RSBN1L: variants seen among roughly 807,000 people sequenced by gnomAD.
The protein encoded by RSBN1L is lysine-specific demethylase RSBN1L.
RSBN1L carries 30 observed loss-of-function variants against 67.7 expected under a neutral mutation model. The ratio of observed to expected loss-of-function variants is 0.44; its 90% CI spans 0.33 to 0.60. The LOEUF is 0.60. Ranked by LOEUF, RSBN1L falls within the 20% of genes least tolerant of loss-of-function variation. RSBN1L has a pLI of 0.02. For synonymous variants in RSBN1L, 433 were observed against 387.0 expected (o/e 1.12, Z -1.39); for missense variants, 992 against 1,031.7 (o/e 0.96, Z 0.53).
intron 1 of RSBN1L, among the ~76,000 whole-genome samples, chr7:77,701,582 A>G (rs945477388): frequency 1.1e-4 from 16 of 151,050 alleles, no homozygotes; most frequent in African/African-American, 3.7e-4. Context: ...GAATTTTATA[A>G]TTTATATATT....
rs1193114227 is a variant in RSBN1L at position 77,765,489 on chromosome 7, C to T, written c.1345-6C>T. On this transcript the variant is annotated splice_polypyrimidine_tract_variant and splice_region_variant and intron_variant, in intron 3 of 7. Coordinates refer to ENST00000334955, the MANE Select transcript of RSBN1L (RefSeq NM_198467.3). ...TTAACTTTTAATTAAATCCATGTTT[C>T]TTCAGGTAAAAAGAACGTATTCTCA... 1.3e-6 allele frequency: 2 copies of T among 1,523,822 alleles called. No homozygotes were observed. Among genetic ancestry groups the T allele is most frequent in the Admixed American group, 2.0e-5 (1 of 49,598 alleles). The allele number at this position is 1,523,822 out of a possible 1,614,324, so 94.4% of individuals were successfully genotyped here.
At position 77,765,457 on chromosome 7, in the gene RSBN1L, A is replaced by T. The variant is rs117504316; in HGVS notation, c.1345-38A>T. 9.2e-3 allele frequency: 13,370 copies of T among 1,450,874 alleles called. 83 individuals carry two copies. Among genetic ancestry groups the T allele is most frequent in the Non-Finnish European group, 0.012 (12,490 of 1,077,016 alleles). The allele number at this position is 1,450,874 out of a possible 1,614,324, so 89.9% of individuals were successfully genotyped here. A position where few individuals can be genotyped will look rare whatever the true frequency, so the allele number is the denominator to read the frequency against. Reference sequence around the variant, plus strand: ...AAATCCATATTCTTCAGGTAAAAAGAACGTATTTAACTTTTAATTAAATCC... The same window carrying T: ...AAATCCATATTCTTCAGGTAAAAAGTACGTATTTAACTTTTAATTAAATCC... On this transcript the variant is annotated intron_variant, in intron 3 of 7. Transcript: ENST00000334955.
chr7:77,779,216 TAA>T lies in RSBN1L; in HGVS notation c.*50_*51del, dbSNP rs1791962183. On this transcript the variant is annotated 3_prime_UTR_variant, in exon 8 of 8. Transcript: ENST00000334955. Reference sequence around the variant, plus strand: ...CCTTTTTTAAAAAAATTTAATGTAATAAAGATTCATGAATTCTGAAAGCAAGC... The same window carrying T: ...CCTTTTTTAAAAAAATTTAATGTAATAGATTCATGAATTCTGAAAGCAAGC... 1.4e-5 allele frequency: 19 copies of T among 1,315,094 alleles called. No homozygotes were observed. Among genetic ancestry groups the T allele is most frequent in the Non-Finnish European group, 1.8e-5 (17 of 961,060 alleles). 81.5% of individuals were successfully genotyped at this position (1,315,094 alleles called of 1,614,324 possible).
At position 77,718,113 on chromosome 7, in the gene RSBN1L, T is replaced by C. The variant is rs189958596; in HGVS notation, c.587-18297T>C. Reference sequence around the variant, plus strand: ...GGATTTCAGCAAAGAGATAAAGGAGTTGTGGGGAGAGAGAACATTATATGA... The same window carrying C: ...GGATTTCAGCAAAGAGATAAAGGAGCTGTGGGGAGAGAGAACATTATATGA... On this transcript the variant is annotated intron_variant, in intron 1 of 7. Transcript: ENST00000334955. Among the ~76,000 whole-genome samples the C allele has an allele frequency of 1.6e-3, 241 of 151,790 alleles. 1 individual carries two copies. Among genetic ancestry groups the C allele is most frequent in the African/African-American group, 5.4e-3 (225 of 41,356 alleles).
chr7:77,706,399 A>G (rs1213029586), intron 1 of RSBN1L, among the ~76,000 whole-genome samples: 1 of 151,940 alleles, frequency 6.6e-6, no homozygotes, highest in African/African-American at 2.4e-5. Context: ...TAATAGAAAC[A>G]GGGTTTTACC....
At position 77,696,473 on chromosome 7, in the gene RSBN1L, G is replaced by A. The variant is rs1206619955; in HGVS notation, c.4G>A (p.Ala2Thr). Reference sequence around the variant, plus strand: ...GTAAATACAACAGGAGCGCAAAATGGCGGAACCGCCGAGCCCCGTGCACTG... The same window carrying A: ...GTAAATACAACAGGAGCGCAAAATGACGGAACCGCCGAGCCCCGTGCACTG... M[A>T]EPPSPVHCVA... is the part of the protein sequence containing the mutation. Residue 2 changes from alanine (A) to threonine (T), a missense_variant, in exon 1 of 8, where the codon GCG becomes ACG. Around this residue, in one of 7 missense-constraint regions of RSBN1L, gnomAD observed 575 missense variants for 483.2 expected, o/e 1.19. Transcript: ENST00000334955. 1.2e-6 allele frequency: 2 copies of A among 1,605,180 alleles called. No homozygotes were observed. The highest frequency in any genetic ancestry group is 8.5e-7 in the Non-Finnish European group (1 of 1,175,054).
At position 77,779,003 on chromosome 7, in the gene RSBN1L, T is replaced by C. The variant is rs1791957548; in HGVS notation, c.2376T>C (p.His792=). The C allele has an allele frequency of 6.2e-7, 1 of 1,614,038 alleles. No homozygotes were observed. The highest frequency in any genetic ancestry group is 8.5e-7 in the Non-Finnish European group (1 of 1,179,920). Residue 792 remains histidine (H), a synonymous_variant, in exon 8 of 8, where the codon CAT becomes CAC. Coordinates refer to ENST00000334955, the MANE Select transcript of RSBN1L (RefSeq NM_198467.3). The part of the protein sequence containing the change: ...DGKNVKAKLD[H]VQFAEFKIDM... ...AGAATGTTAAAGCAAAATTGGATCA[T>C]GTTCAATTTGCAGAATTTAAGATTG...
At chr7:77,759,897 G>A (rs1214686386) in intron 3 of RSBN1L, among the ~76,000 whole-genome samples, 2 of 152,192 alleles carry the variant, frequency 1.3e-5, no homozygotes, top group Non-Finnish European at 2.9e-5. Context: ...GCCAGTGTGC[G>A]TGGTGAGCCT....
rs754309495 is a variant in RSBN1L at position 77,779,210 on chromosome 7, A to T, written c.*42A>T. On this transcript the variant is annotated 3_prime_UTR_variant, in exon 8 of 8. Transcript: ENST00000334955. ...TAAAATCCTTTTTTAAAAAAATTTA[A>T]TGTAATAAAGATTCATGAATTCTGA... The T allele has an allele frequency of 1.5e-6, 2 of 1,374,030 alleles. No homozygotes were observed. The highest frequency in any genetic ancestry group is 4.7e-5 in the East Asian group (2 of 42,308). 85.1% of individuals were successfully genotyped at this position (1,374,030 alleles called of 1,614,324 possible).
At chr7:77,758,983 G>T (rs1405469782) in intron 3 of RSBN1L, among the ~76,000 whole-genome samples, 2 of 152,120 alleles carry the variant, frequency 1.3e-5, no homozygotes, top group African/African-American at 4.8e-5. Flanking sequence ...TATTTTTATT[G>T]TATTGTGGTT....
chr7:77,742,180 A>ATACACACAC (rs60910312), intron 2 of RSBN1L, among the ~76,000 whole-genome samples: 2,444 of 81,970 alleles, frequency 0.03, 42 homozygotes, highest in South Asian at 0.057. Context: ...AAAAAAAAAA[A>ATACACACAC]ATACACACAC....
chr7:77,732,339 C>A (rs1388718224), intron 1 of RSBN1L, among the ~76,000 whole-genome samples: 2 of 151,776 alleles, frequency 1.3e-5, no homozygotes, highest in Non-Finnish European at 2.9e-5. Context: ...TTTTCTTTTT[C>A]ATTTTTTCTT....
chr7:77,734,504 T>TC (rs1391464441), intron 1 of RSBN1L, among the ~76,000 whole-genome samples: 2 of 151,958 alleles, frequency 1.3e-5, no homozygotes, highest in East Asian at 3.9e-4. Context: ...TTTTTTTTTT[T>TC]CCAAGATGTA....
chr7:77,763,962 G>A (rs1478242146), intron 3 of RSBN1L, among the ~76,000 whole-genome samples: 2 of 152,230 alleles, frequency 1.3e-5, no homozygotes, highest in Non-Finnish European at 2.9e-5. Context: ...CTGCTTTGCT[G>A]ATTATAATAA....
At position 77,701,169 on chromosome 7, in the gene RSBN1L, AAC is replaced by A. The variant is rs1218053384; in HGVS notation, c.586+4116_586+4117del. On this transcript the variant is annotated intron_variant, in intron 1 of 7. Transcript: ENST00000334955. The stretch of plus-strand genomic sequence containing the variant: ...TCTGGCTCAAAAAAAAAAAAAAAAA[AAC>A]AACAACAACAACAACAACAAAAAAA... 4.5e-3 allele frequency among the ~76,000 whole-genome samples: 551 copies of A among 122,056 alleles called. 3 individuals carry two copies. The highest frequency in any genetic ancestry group is 0.017 in the African/African-American group (470 of 28,414). 80.1% of individuals were successfully genotyped at this position (122,056 alleles called of 152,430 possible).
rs1262133189 is a variant in RSBN1L, at chr7:77,780,879, G to A, written c.*1711G>A. ...CTTCTACTATTGTAATTAAAAATCA[G>A]AAGTCTTTGATGTATGCGTTGCTGT... is the stretch of plus-strand genomic sequence containing the variant. On this transcript the variant is annotated 3_prime_UTR_variant, in exon 8 of 8. Coordinates refer to ENST00000334955, the MANE Select transcript of RSBN1L (RefSeq NM_198467.3). 6.6e-6 allele frequency: 1 copy of A among 152,204 alleles called. No homozygotes were observed. The highest frequency in any genetic ancestry group is 2.1e-4 in the South Asian group (1 of 4,830). 9.4% of individuals were successfully genotyped at this position (152,204 alleles called of 1,614,324 possible). A position where few individuals can be genotyped will look rare whatever the true frequency, so the allele number is the denominator to read the frequency against.
intron 1 of RSBN1L, among the ~76,000 whole-genome samples, chr7:77,719,869 A>T (rs1791093080): frequency 6.6e-6 from 1 of 152,146 alleles, no homozygotes; most frequent in African/African-American, 2.4e-5. Context: ...GGCTCAAGTG[A>T]TCCATCTGAC....
chr7:77,742,212 C>CAG (rs1432694472), intron 2 of RSBN1L, among the ~76,000 whole-genome samples: 3 of 147,322 alleles, frequency 2.0e-5, no homozygotes, highest in Admixed American at 6.8e-5. Context: ...CACACACACA[C>CAG]ACACACGGCA....
chr7:77,779,784 A>C lies in RSBN1L; in HGVS notation c.*616A>C, dbSNP rs992350938. On this transcript the variant is annotated 3_prime_UTR_variant, in exon 8 of 8. Coordinates refer to ENST00000334955, the MANE Select transcript of RSBN1L (RefSeq NM_198467.3). ...GTGCAAATGTACGTAATTCAAATCT[A>C]GTAAATATTTAAGTTCCTCACACTG... The C allele has an allele frequency of 6.7e-6, 1 of 149,456 alleles. No individual in the cohort carries two copies. The highest frequency in any genetic ancestry group is 1.5e-5 in the Non-Finnish European group (1 of 67,450). The allele number at this position is 149,456 out of a possible 1,614,324, so 9.3% of individuals were successfully genotyped here. A position where few individuals can be genotyped will look rare whatever the true frequency, so the allele number is the denominator to read the frequency against.
Sources: gnomAD v4.1 joint callset for allele counts (sites outside exome capture counted in the v4.1 genomes callset) on GRCh38, gnomAD v4.1.1 for gene constraint, gnomAD v4.1.1 regional missense constraint, MANE v1.5 for transcripts, NCBI Gene and HGNC (gene_info 2026-07-23, HGNC 2026-07-21) for gene names.